ARID1B: variants seen among roughly 807,000 people sequenced by gnomAD.
The protein encoded by ARID1B is AT-rich interactive domain-containing protein 1B.
ARID1B carries 30 observed loss-of-function variants against 212.3 expected under a neutral mutation model. The observed-to-expected ratio is 0.14, with a 90% confidence interval of 0.11 to 0.19. The LOEUF is 0.19. ARID1B is among the 10% of genes least tolerant of loss of function. The probability of loss-of-function intolerance (pLI) is 1.00; values close to 1 mark genes in which losing one functional copy is unlikely to be tolerated. For missense variants in ARID1B, 2,891 were observed against 3,204.0 expected (o/e 0.90, Z 2.36); for synonymous variants, 1,402 against 1,301.7 (o/e 1.08, Z -1.66).
At chr6:157,070,480 T>C (rs1217266581) in intron 4 of ARID1B, among the ~76,000 whole-genome samples, 1 of 152,206 alleles carries the variant, frequency 6.6e-6, no homozygotes, top group Non-Finnish European at 1.5e-5. Flanking sequence ...ATTACAGTAA[T>C]GATCACACAG....
intron 3 of ARID1B, among the ~76,000 whole-genome samples, chr6:156,921,479 A>G (rs1227932204): frequency 2.7e-5 from 4 of 147,998 alleles, no homozygotes; most frequent in Non-Finnish European, 5.9e-5. Flanking sequence ...ACACACACAC[A>G]CACACACACA....
At position 157,148,617 on chromosome 6, in the gene ARID1B, T is replaced by C; in HGVS notation, c.2762-7T>C. The C allele has an allele frequency of 6.4e-7, 1 of 1,572,016 alleles. No homozygotes were observed. Among genetic ancestry groups the C allele is most frequent in the Non-Finnish European group, 8.7e-7 (1 of 1,153,092 alleles). ...AAGGCTTTACTTTGTGTTTGCTTTT[T>C]GTTTAGGTAACTACTCCAGACCCCC... On this transcript the variant is annotated splice_region_variant and splice_polypyrimidine_tract_variant and intron_variant, in intron 7 of 19. Coordinates refer to ENST00000636930, the MANE Select transcript of ARID1B (RefSeq NM_001374828.1). The surrounding 1 kb of genome is among the most constrained non-coding windows in gnomAD (Gnocchi z 5.6).
intron 4 of ARID1B, among the ~76,000 whole-genome samples, chr6:157,066,058 CA>C (rs1034555601): frequency 1.7e-4 from 26 of 152,326 alleles, no homozygotes; most frequent in Admixed American, 9.1e-4. Context: ...GTTAAATTTC[CA>C]GTCCCCGATG....
At chr6:156,989,942 T>G (rs1327096652) in intron 4 of ARID1B, among the ~76,000 whole-genome samples, 1 of 152,194 alleles carries the variant, frequency 6.6e-6, no homozygotes, top group Non-Finnish European at 1.5e-5. Flanking sequence ...GTTGATACCT[T>G]TGATATAATT....
intron 4 of ARID1B, among the ~76,000 whole-genome samples, chr6:156,986,948 G>A (rs1053912439): frequency 1.3e-5 from 2 of 152,162 alleles, no homozygotes; most frequent in African/African-American, 2.4e-5. Context: ...GGAGGCTGAG[G>A]TTGGCAGATC....
intron 4 of ARID1B, among the ~76,000 whole-genome samples, chr6:157,034,761 T>C (rs1781218815): frequency 6.6e-6 from 1 of 152,236 alleles, no homozygotes; most frequent in South Asian, 2.1e-4. Flanking sequence ...ACCTCATGTT[T>C]TTAAAATCAG....
At chr6:157,071,599 A>G (rs1300877244) in intron 4 of ARID1B, 2 of 152,252 alleles carry the variant, frequency 1.3e-5, no homozygotes, top group Non-Finnish European at 2.9e-5. Context: ...TATTCCGGGC[A>G]CAGGCGCTAC....
chr6:156,814,886 T>A (rs771781518), intron 1 of ARID1B, among the ~76,000 whole-genome samples: 1 of 152,158 alleles, frequency 6.6e-6, no homozygotes, highest in Non-Finnish European at 1.5e-5. Flanking sequence ...ATACAACAAA[T>A]GCTTTTTAGC....
At chr6:157,069,965 C>T (rs1783908848) in intron 4 of ARID1B, among the ~76,000 whole-genome samples, 1 of 151,986 alleles carries the variant, frequency 6.6e-6, no homozygotes, top group Admixed American at 6.5e-5. Context: ...TTCATTTTTC[C>T]TGATAGAGGA....
At chr6:157,144,789 T>C (rs1789607715) in intron 7 of ARID1B, among the ~76,000 whole-genome samples, 3 of 152,178 alleles carry the variant, frequency 2.0e-5, no homozygotes, top group Admixed American at 2.0e-4. Context: ...GGGGAGCCTA[T>C]GTGTGTCCCG....
intron 3 of ARID1B, among the ~76,000 whole-genome samples, chr6:156,935,125 G>A (rs977151069): frequency 2.1e-4 from 32 of 151,382 alleles, no homozygotes; most frequent in African/African-American, 7.3e-4. Flanking sequence ...ACAGGGTCTC[G>A]CTCTGTCACC....
At chr6:156,841,391 C>T (rs1435911271) in intron 2 of ARID1B, among the ~76,000 whole-genome samples, 1 of 152,154 alleles carries the variant, frequency 6.6e-6, no homozygotes, top group East Asian at 1.9e-4. Flanking sequence ...AAAATCATCC[C>T]TGTGTGCTTT....
chr6:156,962,066 G>A (rs759109430), intron 4 of ARID1B, among the ~76,000 whole-genome samples: 31 of 152,252 alleles, frequency 2.0e-4, no homozygotes, highest in African/African-American at 7.2e-4. Context: ...TTGGGAGGCC[G>A]AGGTGGGTGG....
chr6:156,823,573 G>A (rs1382814142), intron 1 of ARID1B, among the ~76,000 whole-genome samples: 3 of 152,088 alleles, frequency 2.0e-5, no homozygotes, highest in African/African-American at 4.8e-5. Context: ...GTTGTTTCCC[G>A]AACAATGGTT....
rs1405399488 is a variant in ARID1B at position 156,779,270 on chromosome 6, G to C, written c.1590G>C (p.Pro530=). The C allele has an allele frequency of 5.3e-6, 6 of 1,131,632 alleles. No individual in the cohort carries two copies. Among genetic ancestry groups the C allele is most frequent in the Non-Finnish European group, 5.4e-6 (5 of 922,958 alleles). 70.1% of individuals were successfully genotyped at this position (1,131,632 alleles called of 1,614,324 possible). The change falls in exon 1 of 20, where the codon CCG becomes CCC. Residue 530 remains proline (P), a synonymous_variant. Transcript: ENST00000636930. ...YPEYSSPSAP[P]PPPSQPQSQA... ...AGTACAGCAGCCCCAGCGCGCCGCC[G>C]CCGCCGCCGTCGCAGCCCCAGTCCC...
intron 3 of ARID1B, among the ~76,000 whole-genome samples, chr6:156,910,666 G>C (rs895563669): frequency 1.3e-5 from 2 of 152,064 alleles, no homozygotes; most frequent in African/African-American, 2.4e-5. Flanking sequence ...CAGTATTTTG[G>C]GTTTTTCAAT....
At chr6:157,138,519 T>C (rs181819153) in intron 7 of ARID1B, among the ~76,000 whole-genome samples, 148 of 152,304 alleles carry the variant, frequency 9.7e-4, no homozygotes, top group Non-Finnish European at 1.8e-3. Flanking sequence ...ATTACAGGCA[T>C]GAGAGAACCT....
At position 156,779,193 on chromosome 6, in the gene ARID1B, C is replaced by T. The variant is rs1400539349; in HGVS notation, c.1513C>T (p.Leu505=). Residue 505 remains leucine, a synonymous_variant, in exon 1 of 20, where the codon CTG becomes TTG. Transcript: ENST00000636930. ...PSGATPTLNQ[L]LTSPSPMMRS... ...GGGGGCCACCCCGACCCTCAATCAG[C>T]TGCTCACCTCGCCCAGCCCCATGAT... 4 of 1,342,938 alleles carry T rather than the reference C, an allele frequency of 3.0e-6. No homozygotes were observed. The highest frequency in any genetic ancestry group is 3.9e-6 in the Non-Finnish European group (4 of 1,038,478). 83.2% of individuals were successfully genotyped at this position (1,342,938 alleles called of 1,614,324 possible).
At chr6:157,002,213 G>A (rs765860624) in intron 4 of ARID1B, among the ~76,000 whole-genome samples, 1 of 152,138 alleles carries the variant, frequency 6.6e-6, no homozygotes, top group Non-Finnish European at 1.5e-5. Context: ...TGAGATAAAT[G>A]TTTAACTTTG....
Sources: gnomAD v4.1 joint callset for allele counts (sites outside exome capture counted in the v4.1 genomes callset) on GRCh38, gnomAD v4.1.1 for gene constraint, Gnocchi (gnomAD v3.1) non-coding constraint, MANE v1.5 for transcripts, NCBI Gene and HGNC (gene_info 2026-07-23, HGNC 2026-07-21) for gene names.